NAALADL2: variants seen among roughly 807,000 people sequenced by gnomAD.
NAALADL2 encodes inactive N-acetylated-alpha-linked acidic dipeptidase-like protein 2.
NAALADL2 carries 76 observed loss-of-function variants against 87.2 expected under a neutral mutation model. The observed-to-expected ratio is 0.87, with a 90% CI of 0.72 to 1.05. NAALADL2 has a LOEUF of 1.05. NAALADL2 is among the 50% of genes least tolerant of loss of function. The pLI is 0.00. For synonymous variants in NAALADL2, 354 were observed against 331.0 expected (o/e 1.07, Z -0.75); for missense variants, 1,089 against 945.8 (o/e 1.15, Z -1.99).
chr3:174,734,333 T>C (rs1288442447), intron 2 of NAALADL2, among the ~76,000 whole-genome samples: 2 of 152,174 alleles, frequency 1.3e-5, no homozygotes, highest in Non-Finnish European at 2.9e-5. Context: ...GTAATAGCAT[T>C]ATTGAACTAA....
chr3:174,885,809 A>T (rs1014405801), intron 1 of NAALADL2, among the ~76,000 whole-genome samples: 5 of 148,960 alleles, frequency 3.4e-5, no homozygotes, highest in African/African-American at 1.2e-4. Context: ...ATTAAGTATT[A>T]ACTCACACAA....
chr3:174,814,418 A>G (rs1043463204), intron 3 of NAALADL2, among the ~76,000 whole-genome samples: 1 of 152,124 alleles, frequency 6.6e-6, no homozygotes, highest in Admixed American at 6.6e-5. Flanking sequence ...GTTTAGTTAA[A>G]TATTTTAAGA....
At chr3:175,382,433 CA>C (rs1313380236) in intron 5 of NAALADL2, among the ~76,000 whole-genome samples, 1 of 151,428 alleles carries the variant, frequency 6.6e-6, no homozygotes, top group East Asian at 2.0e-4. Flanking sequence ...TTAAACACTG[CA>C]CATAAAATTT....
chr3:175,739,587 A>C (rs933150864), intron 12 of NAALADL2, among the ~76,000 whole-genome samples: 2 of 152,204 alleles, frequency 1.3e-5, no homozygotes, highest in African/African-American at 2.4e-5. Context: ...AAATGTATAC[A>C]AAAATTTTTG....
At chr3:175,526,762 C>T (rs1039948639) in intron 9 of NAALADL2, among the ~76,000 whole-genome samples, 1 of 152,106 alleles carries the variant, frequency 6.6e-6, no homozygotes, top group Non-Finnish European at 1.5e-5. Flanking sequence ...TTAATTTGTT[C>T]CACGGGTCCA....
chr3:175,073,666 T>A (rs1301328809), intron 1 of NAALADL2, among the ~76,000 whole-genome samples: 4 of 152,110 alleles, frequency 2.6e-5, no homozygotes, highest in Non-Finnish European at 5.9e-5. Context: ...TTCTACAGTT[T>A]TATGTCAACT....
At chr3:175,546,211 C>G (rs913371005) in intron 9 of NAALADL2, among the ~76,000 whole-genome samples, 4 of 151,994 alleles carry the variant, frequency 2.6e-5, no homozygotes, top group Non-Finnish European at 5.9e-5. Context: ...AGGATTTTAA[C>G]CCCTGCTTTT....
chr3:175,100,803 C>T (rs547461711), intron 2 of NAALADL2, among the ~76,000 whole-genome samples: 1 of 142,500 alleles, frequency 7.0e-6, no homozygotes, highest in South Asian at 2.2e-4. Flanking sequence ...TGAGCCATTG[C>T]ACTCCAGCCT....
chr3:175,398,151 A>G (rs952687999), intron 5 of NAALADL2, among the ~76,000 whole-genome samples: 1 of 152,088 alleles, frequency 6.6e-6, no homozygotes, highest in Non-Finnish European at 1.5e-5. Context: ...CTTGTTTAGC[A>G]GGGACATTGA....
intron 3 of NAALADL2, among the ~76,000 whole-genome samples, chr3:174,852,491 T>C (rs1164488697): frequency 6.6e-6 from 1 of 152,082 alleles, no homozygotes; most frequent in African/African-American, 2.4e-5. Context: ...TTAAATACTT[T>C]GGAATAAACT....
chr3:175,138,887 A>AAAATATATAT (rs1297175296), intron 2 of NAALADL2, among the ~76,000 whole-genome samples: 1 of 95,486 alleles, frequency 1.0e-5, no homozygotes, highest in Non-Finnish European at 1.9e-5. Context: ...AGCCTTTTAA[A>AAAATATATAT]ATATATATAT....
intron 3 of NAALADL2, 23 bp from the exon 4 acceptor site, chr3:175,256,388 C>G (rs13072102): frequency 0.32 from 509,957 of 1,578,336 alleles, 86,708 homozygotes; most frequent in South Asian, 0.42. Flanking sequence ...CTTTATTTTT[C>G]TTTGTTTTTT....
rs555998745 is a variant in NAALADL2 at position 175,351,482 on chromosome 3, C to T, written c.1090+27157C>T. On this transcript the variant is annotated intron_variant, in intron 5 of 13. Transcript: ENST00000454872. ...TTTCCAAATAATTTTTTTTTGCTCA[C>T]ATACAACTACTACCATAGATTCAAA... 3.3e-5 allele frequency among the ~76,000 whole-genome samples: 5 copies of T among 151,816 alleles called. No individual in the cohort carries two copies. The East Asian group carries it at 9.7e-4, about 29-fold the overall frequency.
At chr3:174,787,606 T>TACATATATATATATATATACAC (rs1421475298) in intron 3 of NAALADL2, among the ~76,000 whole-genome samples, 19 of 104,814 alleles carry the variant, frequency 1.8e-4, no homozygotes, top group Non-Finnish European at 3.6e-4. Context: ...TATATATATA[T>TACATATATATATATATATACAC]ATATATATAT....
intron 5 of NAALADL2, among the ~76,000 whole-genome samples, chr3:175,395,366 T>C (rs112963166): frequency 9.2e-5 from 14 of 152,326 alleles, no homozygotes; most frequent in African/African-American, 3.1e-4. Context: ...AACTAAACTA[T>C]GGATAAGGGG....
chr3:175,428,870 A>G (rs1327568995), intron 5 of NAALADL2, among the ~76,000 whole-genome samples: 2 of 152,082 alleles, frequency 1.3e-5, no homozygotes, highest in Non-Finnish European at 2.9e-5. Context: ...TTAAGATTAT[A>G]TAAATGATAG....
intron 11 of NAALADL2, among the ~76,000 whole-genome samples, chr3:175,668,347 A>G (rs1338705080): frequency 1.3e-5 from 2 of 152,090 alleles, no homozygotes; most frequent in African/African-American, 4.8e-5. Flanking sequence ...TTTATGAGCT[A>G]TTGTTTATTA....
chr3:175,769,420 T>C (rs1255143919), intron 13 of NAALADL2, among the ~76,000 whole-genome samples: 1 of 152,212 alleles, frequency 6.6e-6, no homozygotes, highest in South Asian at 2.1e-4. Flanking sequence ...GGGATTAACT[T>C]GGGCTGAGAC....
intron 3 of NAALADL2, among the ~76,000 whole-genome samples, chr3:174,748,040 C>T (rs1223649881): frequency 6.6e-6 from 1 of 152,056 alleles, no homozygotes; most frequent in Non-Finnish European, 1.5e-5. Context: ...AAGCCATTAT[C>T]CTCAGCAAAC....
Sources: gnomAD v4.1 joint callset for allele counts (sites outside exome capture counted in the v4.1 genomes callset) on GRCh38, gnomAD v4.1.1 for gene constraint, MANE v1.5 for transcripts, NCBI Gene and HGNC (gene_info 2026-07-23, HGNC 2026-07-21) for gene names.